Variants in CFAP100 observed in about 807,000 individuals in gnomAD.
CFAP100 encodes the protein cilia and flagella associated protein 100, also known as cilia- and flagella-associated protein 100.
A neutral mutation model predicts 81.5 loss-of-function variants in CFAP100; 70 were observed. The observed-to-expected ratio is 0.86, with a 90% CI of 0.71 to 1.05. The LOEUF is 1.05. CFAP100 is among the 50% of genes least tolerant of loss of function. CFAP100 has a pLI of 0.00. For missense variants in CFAP100, 811 were observed against 776.5 expected (o/e 1.04, Z -0.53); for synonymous variants, 341 against 314.8 (o/e 1.08, Z -0.88).
At position 126,418,787 on chromosome 3, in the gene CFAP100, G is replaced by T; in HGVS notation, c.650+13G>T. The stretch of plus-strand genomic sequence containing the variant: ...AGGCCATGAGAGCGTGAGCCTGCGG[G>T]CCCGAGGGGCTGGCTGGGCAATGCC... On this transcript the variant is annotated intron_variant, in intron 7 of 16. Coordinates refer to ENST00000352312, the MANE Select transcript of CFAP100 (RefSeq NM_182628.3). The T allele has an allele frequency of 6.4e-7, 1 of 1,569,540 alleles. No individual in the cohort carries two copies. Among genetic ancestry groups the T allele is most frequent in the Non-Finnish European group, 8.6e-7 (1 of 1,162,374 alleles).
chr3:126,429,107 C>CAAAAAAA (rs57773311), intron 13 of CFAP100, among the ~76,000 whole-genome samples: 1 of 95,752 alleles, frequency 1.0e-5, no homozygotes, highest in Admixed American at 1.2e-4. Flanking sequence ...CGTCTCCATC[C>CAAAAAAA]AAAAAAAAAA....
chr3:126,430,350 A>C lies in CFAP100; in HGVS notation c.1287-2719A>C, dbSNP rs1312404830. On this transcript the variant is annotated intron_variant, in intron 13 of 16. Transcript: ENST00000352312. ...AGTAATCTACTGTATACTTTAAAACAGCTAGAAGAGAATAATTTGAATGTT... is the reference window on the plus strand; with the variant it reads ...AGTAATCTACTGTATACTTTAAAACCGCTAGAAGAGAATAATTTGAATGTT... Among the ~76,000 whole-genome samples the C allele has an allele frequency of 2.0e-5, 3 of 152,258 alleles. No homozygotes were observed. The East Asian group carries it at 5.8e-4, about 29-fold the overall frequency.
At chr3:126,434,907 G>A (rs144334359) in intron 15 of CFAP100, among the ~76,000 whole-genome samples, 52 of 152,290 alleles carry the variant, frequency 3.4e-4, no homozygotes, top group African/African-American at 1.2e-3. Context: ...TCAGCTCAGA[G>A]GGGAGTGGAG....
In CFAP100 at chr3:126,416,361, T is replaced by C. The variant is rs1313443042; in HGVS notation, c.271T>C (p.Tyr91His). 6.2e-7 allele frequency: 1 copy of C among 1,609,454 alleles called. No homozygotes were observed. The highest frequency in any genetic ancestry group is 8.5e-7 in the Non-Finnish European group (1 of 1,177,910). The change falls in exon 5 of 17, where the codon TAC (tyrosine) becomes CAC (histidine). Residue 91 changes from tyrosine to histidine, a missense_variant. Transcript: ENST00000352312. ...KTMRVHQKMT[Y>H]SSKVSAKHTS... ...GATGCGGGTGCACCAGAAGATGACC[T>C]ACTCCTCGAAAGTGTCGGCTAAGCA...
At chr3:126,408,054 T>C (rs2107593238) in intron 3 of CFAP100, among the ~76,000 whole-genome samples, 1 of 152,336 alleles carries the variant, frequency 6.6e-6, no homozygotes, top group South Asian at 2.1e-4. Context: ...ATTTCCTCTC[T>C]TTTATTATTA....
At chr3:126,405,137 C>T (rs142063446) in intron 2 of CFAP100, among the ~76,000 whole-genome samples, 1 of 152,298 alleles carries the variant, frequency 6.6e-6, no homozygotes, top group Non-Finnish European at 1.5e-5. Context: ...GAACCTCCTC[C>T]CCATTCCCCC....
rs750901052 is a variant in CFAP100 at position 126,418,443 on chromosome 3, C to T, written c.419-15C>T. On this transcript the variant is annotated splice_polypyrimidine_tract_variant and intron_variant, in intron 5 of 16. Transcript: ENST00000352312. Reference sequence around the variant, plus strand: ...GGGCTTCCCGCTCCTGCTCACCTCCCTCTTCTTCCAGCAGAAAAGAATGTG... The same window carrying T: ...GGGCTTCCCGCTCCTGCTCACCTCCTTCTTCTTCCAGCAGAAAAGAATGTG... 2 of 1,613,730 alleles carry T rather than the reference C, an allele frequency of 1.2e-6. No homozygotes were observed. The highest frequency in any genetic ancestry group is 1.7e-6 in the Non-Finnish European group (2 of 1,179,910).
intron 13 of CFAP100, among the ~76,000 whole-genome samples, chr3:126,432,241 T>C (rs543545154): frequency 2.6e-4 from 34 of 128,702 alleles, no homozygotes; most frequent in African/African-American, 1.0e-3. Context: ...ATTGTGACAC[T>C]GCACTCCACC....
chr3:126,423,675 C>T (rs2083369603), intron 13 of CFAP100, 31 bp downstream of exon 13: 4 of 1,612,484 alleles, frequency 2.5e-6, no homozygotes, highest in Middle Eastern at 1.7e-4. Flanking sequence ...AGTGGGGGCT[C>T]CCTGCCGCTC....
chr3:126,423,788 A>G, intron 13 of CFAP100, 144 bp downstream of exon 13: 6 of 1,073,782 alleles, frequency 5.6e-6, no homozygotes, highest in Non-Finnish European at 8.0e-6. Flanking sequence ...CTCCGAGCGA[A>G]GCTCCGTTTG....
chr3:126,435,694 C>T (rs1933419875), intron 16 of CFAP100, 42 bp downstream of exon 16: 2 of 1,518,356 alleles, frequency 1.3e-6, no homozygotes, highest in Admixed American at 3.5e-5. Flanking sequence ...GGAGGGGGTC[C>T]CAAGACAGCA....
At chr3:126,430,760 T>C (rs1160366296) in intron 13 of CFAP100, among the ~76,000 whole-genome samples, 1 of 134,258 alleles carries the variant, frequency 7.4e-6, no homozygotes, top group African/African-American at 2.7e-5. Flanking sequence ...GCTCAATAAT[T>C]TCTGGGTTTT....
chr3:126,419,600 C>T (rs757035422), intron 8 of CFAP100, 37 bp from the exon 9 acceptor site: 11 of 1,597,626 alleles, frequency 6.9e-6, no homozygotes, highest in Non-Finnish European at 9.4e-6. Context: ...AGAGGCTGAC[C>T]TCCTCCTTCC....
intron 3 of CFAP100, 65 bp downstream of exon 3, chr3:126,407,317 C>G (rs2083081173): frequency 5.0e-6 from 5 of 993,112 alleles, no homozygotes; most frequent in South Asian, 1.4e-5. Context: ...CCTCTGCCCC[C>G]AGATCCCCTC....
In CFAP100 at chr3:126,419,085, G is replaced by T; in HGVS notation, c.660G>T (p.Lys220Asn). 1 of 1,324,610 alleles carries T rather than the reference G, an allele frequency of 7.5e-7. No individual in the cohort carries two copies. Among genetic ancestry groups the T allele is most frequent in the Non-Finnish European group, 1.0e-6 (1 of 987,408 alleles). 82.1% of individuals were successfully genotyped at this position (1,324,610 alleles called of 1,614,324 possible). A position where few individuals can be genotyped will look rare whatever the true frequency, so the allele number is the denominator to read the frequency against. ...GCCGCCCAACCCCTAGGGCTGAGAA[G>T]GAGACCAAAGCCAAGATAGAGAAGA... ...SSVQAMRAAE[K>N]ETKAKIEKIL... The change falls in exon 8 of 17, where the codon AAG (lysine) becomes AAT (asparagine). Residue 220 changes from lysine (K) to asparagine (N), a missense_variant. Transcript: ENST00000352312.
chr3:126,396,097 C>T (rs376202759), intron 2 of CFAP100, 48 bp downstream of exon 2: 34 of 1,452,248 alleles, frequency 2.3e-5, no homozygotes, highest in South Asian at 3.4e-5. Flanking sequence ...GGGGCAGCTT[C>T]GGAGCCTGTC....
At chr3:126,404,026 A>G (rs974332800) in intron 2 of CFAP100, among the ~76,000 whole-genome samples, 1 of 152,252 alleles carries the variant, frequency 6.6e-6, no homozygotes, top group African/African-American at 2.4e-5. Context: ...ATAATAGATG[A>G]AGGTTCTCAA....
chr3:126,423,204 G>A, intron 11 of CFAP100, 121 bp from the exon 12 acceptor site: 4 of 754,040 alleles, frequency 5.3e-6, no homozygotes, highest in East Asian at 2.7e-5. Context: ...GGTAACTTGT[G>A]GGCAGCTGGG....
At chr3:126,435,718 C>A in intron 16 of CFAP100, 66 bp downstream of exon 16, 1 of 1,310,348 alleles carries the variant, frequency 7.6e-7, no homozygotes, top group South Asian at 1.3e-5. Flanking sequence ...CAGCTGAGGT[C>A]CTGCAGCCCA....
Sources: gnomAD v4.1 joint callset for allele counts (sites outside exome capture counted in the v4.1 genomes callset) on GRCh38, gnomAD v4.1.1 for gene constraint, MANE v1.5 for transcripts, NCBI Gene and HGNC (gene_info 2026-07-23, HGNC 2026-07-21) for gene names.